TMEM132C: variants seen among roughly 807,000 people sequenced by gnomAD.
TMEM132C encodes the protein protein phosphatase 1, regulatory subunit 152.
Under a neutral mutation model 61.4 loss-of-function variants are expected in TMEM132C, and 29 were observed. That is an observed-to-expected ratio of 0.47 (90% confidence interval 0.35 to 0.64). TMEM132C has a LOEUF of 0.64. Among genes scored for constraint, TMEM132C ranks in the 30% least tolerant of loss-of-function variants. The pLI is 0.00. For missense variants in TMEM132C, 1,408 were observed against 1,476.9 expected, an observed-to-expected ratio of 0.95 and a Z score of 0.76; for synonymous variants, 656 against 633.1, an observed-to-expected ratio of 1.04 and a Z score of -0.54.
At chr12:128,539,149 C>T (rs1056563085) in intron 2 of TMEM132C, among the ~76,000 whole-genome samples, 2 of 152,180 alleles carry the variant, frequency 1.3e-5, no homozygotes, top group African/African-American at 2.4e-5. Flanking sequence ...TCATGCTCTG[C>T]TGTTATTCAA....
At chr12:128,493,617 A>G (rs7304613) in intron 2 of TMEM132C, among the ~76,000 whole-genome samples, 1,946 of 152,238 alleles carry the variant, frequency 0.013, 50 homozygotes, top group African/African-American at 0.044. Flanking sequence ...AAGCAATTGC[A>G]AATTGGAGTT....
intron 2 of TMEM132C, among the ~76,000 whole-genome samples, chr12:128,469,054 C>T (rs949219838): frequency 1.3e-5 from 2 of 152,050 alleles, no homozygotes; most frequent in Non-Finnish European, 2.9e-5. Context: ...GCAACCATAC[C>T]GCTTGGTTGA....
chr12:128,482,521 T>C (rs1209624438), intron 2 of TMEM132C, among the ~76,000 whole-genome samples: 1 of 152,220 alleles, frequency 6.6e-6, no homozygotes. Flanking sequence ...CCTCTTTTTC[T>C]ATTGTTTGGA....
At chr12:128,329,933 G>A (rs184429048) in intron 1 of TMEM132C, among the ~76,000 whole-genome samples, 38 of 152,298 alleles carry the variant, frequency 2.5e-4, no homozygotes, top group African/African-American at 8.2e-4. Flanking sequence ...GAGGAAGTTC[G>A]TGACAGCCTC....
At chr12:128,464,790 A>AAGAGAGAAAGAGAGAAAGAG (rs139973235) in intron 2 of TMEM132C, among the ~76,000 whole-genome samples, 12,855 of 137,198 alleles carry the variant, frequency 0.094, 950 homozygotes, top group African/African-American at 0.13. Context: ...GAAAGAGAGA[A>AAGAGAGAAAGAGAGAAAGAG]AGAGAGGGAG....
intron 2 of TMEM132C, among the ~76,000 whole-genome samples, chr12:128,456,522 T>C (rs992266178): frequency 1.3e-5 from 2 of 150,758 alleles, no homozygotes; most frequent in Non-Finnish European, 3.0e-5. Context: ...TTCTCCCAGC[T>C]CAGCCTCCCA....
At chr12:128,428,268 G>A (rs1238143450) in intron 2 of TMEM132C, among the ~76,000 whole-genome samples, 1 of 151,878 alleles carries the variant, frequency 6.6e-6, no homozygotes, top group Non-Finnish European at 1.5e-5. Flanking sequence ...GGGAGTTTCA[G>A]GTACAAATGC....
intron 1 of TMEM132C, among the ~76,000 whole-genome samples, chr12:128,297,870 A>T (rs1045508914): frequency 2.0e-5 from 3 of 152,236 alleles, no homozygotes; most frequent in Non-Finnish European, 4.4e-5. Flanking sequence ...ACAATTCACA[A>T]TTAAAATAGT....
At chr12:128,365,150 G>C (rs768525568) in intron 1 of TMEM132C, among the ~76,000 whole-genome samples, 9 of 152,208 alleles carry the variant, frequency 5.9e-5, no homozygotes, top group Non-Finnish European at 1.3e-4. Flanking sequence ...GCAGGAATCT[G>C]TCTGGAGCCA....
chr12:128,452,832 A>G (rs1012571115), intron 2 of TMEM132C, among the ~76,000 whole-genome samples: 8 of 152,222 alleles, frequency 5.3e-5, no homozygotes, highest in Non-Finnish European at 1.2e-4. Flanking sequence ...TTAAATGGTC[A>G]TAATTACATA....
At chr12:128,468,690 GC>G (rs1870825641) in intron 2 of TMEM132C, among the ~76,000 whole-genome samples, 1 of 152,108 alleles carries the variant, frequency 6.6e-6, no homozygotes. Flanking sequence ...AACATGAGAG[GC>G]TTTGGCAAAG....
intron 4 of TMEM132C, among the ~76,000 whole-genome samples, chr12:128,653,770 A>G (rs7312226): frequency 0.2 from 29,713 of 152,150 alleles, 6,579 homozygotes; most frequent in African/African-American, 0.55. Context: ...AATCATGGTG[A>G]GGTGCGAGGT....
chr12:128,679,145 G>A (rs1373036336), intron 5 of TMEM132C, among the ~76,000 whole-genome samples: 3 of 152,190 alleles, frequency 2.0e-5, no homozygotes, highest in African/African-American at 4.8e-5. Flanking sequence ...TAATTGTCAG[G>A]TAGCACTGGT....
intron 2 of TMEM132C, among the ~76,000 whole-genome samples, chr12:128,475,885 G>A (rs2136086077): frequency 6.6e-6 from 1 of 152,272 alleles, no homozygotes; most frequent in Admixed American, 6.5e-5. Flanking sequence ...GGACCCCACA[G>A]CTAGCAAGTG....
In TMEM132C at chr12:128,705,864, A is replaced by T; in HGVS notation, c.2896A>T (p.Thr966Ser). 3.9e-6 allele frequency: 6 copies of T among 1,551,514 alleles called. No homozygotes were observed. The highest frequency in any genetic ancestry group is 5.2e-6 in the Non-Finnish European group (6 of 1,146,992). The change falls in exon 9 of 9, where the codon ACC (threonine) becomes TCC (serine). Residue 966 changes from threonine to serine, a missense_variant. By Grantham distance (58) the Thr-to-Ser change is moderately conservative. Coordinates refer to ENST00000435159, the MANE Select transcript of TMEM132C (RefSeq NM_001136103.3). ...GCCCCTGGAAGGTCAGGCCTCCATG[A>T]CCCACTCTCACGACTGGGTGTGGCT... ...QVPLEGQASM[T>S]HSHDWVWLGN...
At chr12:128,521,304 T>C (rs758262443) in intron 2 of TMEM132C, among the ~76,000 whole-genome samples, 2 of 22,492 alleles carry the variant, frequency 8.9e-5, no homozygotes, top group Non-Finnish European at 5.8e-4. Context: ...TCTGTATATA[T>C]GTGTATATAT....
chr12:128,363,761 C>T (rs1193925921), intron 1 of TMEM132C, among the ~76,000 whole-genome samples: 1 of 151,144 alleles, frequency 6.6e-6, no homozygotes, highest in Non-Finnish European at 1.5e-5. Context: ...AAGAAAATAA[C>T]TCGAACCCAG....
At chr12:128,633,354 A>T (rs1954077636) in intron 4 of TMEM132C, among the ~76,000 whole-genome samples, 1 of 152,162 alleles carries the variant, frequency 6.6e-6, no homozygotes, top group Admixed American at 6.5e-5. Flanking sequence ...GAGGACAGGG[A>T]TTACTGGGAC....
At chr12:128,678,760 G>A (rs35179380) in intron 5 of TMEM132C, among the ~76,000 whole-genome samples, 3,358 of 152,252 alleles carry the variant, frequency 0.022, 131 homozygotes, top group African/African-American at 0.077. Flanking sequence ...TACATCCTGC[G>A]ATTCCAGGAC....
Sources: gnomAD v4.1 joint callset for allele counts (sites outside exome capture counted in the v4.1 genomes callset) on GRCh38, gnomAD v4.1.1 for gene constraint, MANE v1.5 for transcripts, NCBI Gene and HGNC (gene_info 2026-07-23, HGNC 2026-07-21) for gene names.